The following QKI variants were observed in gnomAD, a reference collection of about 807,000 sequenced individuals.
The protein encoded by QKI is KH domain-containing RNA-binding protein QKI.
QKI carries 10 observed loss-of-function variants against 39.0 expected under a neutral mutation model. The ratio of observed to expected loss-of-function variants is 0.26; its 90% CI spans 0.16 to 0.43. The LOEUF (loss-of-function observed/expected upper bound fraction) is 0.43, where lower values mean the gene tolerates loss of function less well. Among genes scored for constraint, QKI ranks in the 20% least tolerant of loss-of-function variants. The pLI is 1.00. For synonymous variants in QKI, 204 were observed against 155.4 expected (o/e 1.31, Z -2.33); for missense variants, 218 against 428.0 (o/e 0.51, Z 4.33).
intron 2 of QKI, among the ~76,000 whole-genome samples, chr6:163,467,331 A>G (rs1038712243): frequency 7.2e-5 from 11 of 152,244 alleles, no homozygotes; most frequent in African/African-American, 2.7e-4. Flanking sequence ...GGATTCAGTC[A>G]CTAAATTGTA....
chr6:163,461,702 G>A (rs1381976292), intron 2 of QKI, among the ~76,000 whole-genome samples: 1 of 152,136 alleles, frequency 6.6e-6, no homozygotes, highest in African/African-American at 2.4e-5. Flanking sequence ...CATATTCCAG[G>A]AACATTGAGC....
chr6:163,560,596 A>G (rs1490609261), intron 4 of QKI, among the ~76,000 whole-genome samples: 1 of 152,212 alleles, frequency 6.6e-6, no homozygotes, highest in Non-Finnish European at 1.5e-5. Context: ...AATGGTGGAG[A>G]GCAATCTGGT....
intron 3 of QKI, among the ~76,000 whole-genome samples, chr6:163,524,545 C>T (rs1352248334): frequency 2.0e-5 from 3 of 151,680 alleles, no homozygotes; most frequent in Non-Finnish European, 4.4e-5. Flanking sequence ...CTTGGCTCAC[C>T]GCAACCTCCA....
At chr6:163,569,623 T>G (rs1436436474) in intron 7 of QKI, 4 of 1,008,120 alleles carry the variant, frequency 4.0e-6, no homozygotes, top group Non-Finnish European at 4.7e-6. Context: ...CTTTTCCACT[T>G]GAGAACTACT....
intron 1 of QKI, among the ~76,000 whole-genome samples, chr6:163,437,994 A>T (rs1789447977): frequency 6.6e-6 from 1 of 152,160 alleles, no homozygotes; most frequent in East Asian, 1.9e-4. Flanking sequence ...TTTGTGTTTG[A>T]GTAGCTTTTA....
intron 2 of QKI, among the ~76,000 whole-genome samples, chr6:163,460,956 G>T (rs554429454): frequency 6.6e-6 from 1 of 152,220 alleles, no homozygotes; most frequent in South Asian, 2.1e-4. Flanking sequence ...CTATTTAAAG[G>T]TAGTTTTTCT....
chr6:163,565,059 T>C (rs919420907), intron 6 of QKI: 3 of 1,081,130 alleles, frequency 2.8e-6, no homozygotes, highest in Non-Finnish European at 3.4e-6. Context: ...CTTTGTTTCA[T>C]GAACAAATAC....
chr6:163,535,165 CTTTT>C, intron 4 of QKI, 40 bp downstream of exon 4: 1 of 1,508,284 alleles, frequency 6.6e-7, no homozygotes, highest in Non-Finnish European at 8.9e-7. Flanking sequence ...GGGCCTCGTC[CTTTT>C]TTGTCAGTTT....
chr6:163,498,930 A>G (rs1489910693), intron 3 of QKI, among the ~76,000 whole-genome samples: 1 of 152,264 alleles, frequency 6.6e-6, no homozygotes, highest in African/African-American at 2.4e-5. Context: ...ACAATGAGAT[A>G]TCTTGGGGAT....
At chr6:163,548,373 C>CA (rs1782019999) in intron 4 of QKI, among the ~76,000 whole-genome samples, 2 of 152,166 alleles carry the variant, frequency 1.3e-5, no homozygotes, top group South Asian at 4.1e-4. Flanking sequence ...AACCTAAAAA[C>CA]ACATTCATGT....
At chr6:163,500,867 G>A (rs541587533) in intron 3 of QKI, among the ~76,000 whole-genome samples, 2 of 152,206 alleles carry the variant, frequency 1.3e-5, no homozygotes, top group South Asian at 2.1e-4. Context: ...GCCATATTAG[G>A]TTTTCAAGCC....
intron 4 of QKI, among the ~76,000 whole-genome samples, chr6:163,544,281 G>C (rs1161708159): frequency 6.6e-6 from 1 of 151,998 alleles, no homozygotes; most frequent in African/African-American, 2.4e-5. Flanking sequence ...ATTTAAAGTA[G>C]ACTGGAGCAT....
chr6:163,525,807 CTGAGTACAT>C (rs1242211823), intron 3 of QKI, among the ~76,000 whole-genome samples: 1 of 152,154 alleles, frequency 6.6e-6, no homozygotes, highest in East Asian at 1.9e-4. Context: ...GTCGGTTTAA[CTGAGTACAT>C]TGAGTCAGGT....
At chr6:163,489,104 T>G (rs1388457308) in intron 3 of QKI, among the ~76,000 whole-genome samples, 4 of 151,870 alleles carry the variant, frequency 2.6e-5, no homozygotes, top group Non-Finnish European at 5.9e-5. Flanking sequence ...TATTTTCACT[T>G]AATAGTATAT....
intron 3 of QKI, among the ~76,000 whole-genome samples, chr6:163,480,823 C>G (rs998052044): frequency 6.6e-6 from 1 of 152,168 alleles, no homozygotes; most frequent in African/African-American, 2.4e-5. Flanking sequence ...GAAGTCTTGA[C>G]AACTGGCAGA....
chr6:163,420,585 G>A (rs1035112390), intron 1 of QKI, among the ~76,000 whole-genome samples: 5 of 152,010 alleles, frequency 3.3e-5, no homozygotes, highest in Non-Finnish European at 7.4e-5. Flanking sequence ...TGATCAACGG[G>A]ACTTCATTTT....
At position 163,415,029 on chromosome 6, in the gene QKI, G is replaced by C. The variant is rs906080169; in HGVS notation, c.-165G>C. The C allele has an allele frequency of 4.5e-6, 3 of 660,600 alleles. No individual in the cohort carries two copies. The highest frequency in any genetic ancestry group is 5.5e-6 in the Non-Finnish European group (3 of 543,212). The allele number at this position is 660,600 out of a possible 1,614,324, so 40.9% of individuals were successfully genotyped here. On this transcript the variant is annotated 5_prime_UTR_variant, in exon 1 of 8. Coordinates refer to ENST00000361752, the MANE Select transcript of QKI (RefSeq NM_006775.3). ...GCCTGCGGGGGGCGGGCGAGCGCGC[G>C]GTGCCGGCCGCCCCGGGGCTCGGCG...
At chr6:163,448,594 A>T (rs1197822845) in intron 1 of QKI, among the ~76,000 whole-genome samples, 2 of 151,732 alleles carry the variant, frequency 1.3e-5, no homozygotes, top group Non-Finnish European at 2.9e-5. Context: ...AAATTAGCTG[A>T]CCATGGTGGC....
At chr6:163,522,267 C>T (rs1228966202) in intron 3 of QKI, among the ~76,000 whole-genome samples, 1 of 152,152 alleles carries the variant, frequency 6.6e-6, no homozygotes, top group East Asian at 1.9e-4. Context: ...AGTCTGTAGG[C>T]TCCTTGAGAG....
Sources: allele counts gnomAD v4.1 joint callset (sites outside exome capture counted in the v4.1 genomes callset), GRCh38; gene constraint gnomAD v4.1.1; transcripts MANE v1.5; gene names NCBI Gene and HGNC (gene_info 2026-07-23, HGNC 2026-07-21).